GPC5: variants seen among roughly 807,000 people sequenced by gnomAD.
The protein encoded by GPC5 is glypican 5.
GPC5 carries 47 observed loss-of-function variants against 53.9 expected under a neutral mutation model. The ratio of observed to expected loss-of-function variants is 0.87; its 90% CI spans 0.69 to 1.11. The LOEUF (loss-of-function observed/expected upper bound fraction) is 1.11, where lower values mean the gene tolerates loss of function less well. GPC5 is among the 50% of genes most tolerant of loss of function. The probability of loss-of-function intolerance (pLI) is 0.00; values close to 1 mark genes in which losing one functional copy is unlikely to be tolerated. For synonymous variants in GPC5, 286 were observed against 263.3 expected (o/e 1.09, Z -0.84); for missense variants, 748 against 713.1 (o/e 1.05, Z -0.56).
intron 1 of GPC5, among the ~76,000 whole-genome samples, chr13:91,399,902 A>C (rs1480157656): frequency 6.6e-6 from 1 of 152,150 alleles, no homozygotes; most frequent in Non-Finnish European, 1.5e-5. Context: ...CTTGACATGG[A>C]TGAGATGTAC....
intron 7 of GPC5, among the ~76,000 whole-genome samples, chr13:92,527,408 T>A (rs2483515): frequency 6.6e-6 from 1 of 150,900 alleles, no homozygotes. Context: ...AAGAGCAGAG[T>A]ATGGTTAATA....
chr13:92,008,925 T>G (rs912176902), intron 6 of GPC5, among the ~76,000 whole-genome samples: 1 of 152,206 alleles, frequency 6.6e-6, no homozygotes, highest in Admixed American at 6.5e-5. Flanking sequence ...AATTCACCAA[T>G]CTTTCCTTCC....
At chr13:92,666,964 C>G (rs942136580) in intron 7 of GPC5, among the ~76,000 whole-genome samples, 3 of 152,056 alleles carry the variant, frequency 2.0e-5, no homozygotes, top group Non-Finnish European at 4.4e-5. Context: ...CCATTCTTAA[C>G]TGAAAATAGG....
At chr13:91,511,655 T>C (rs2139333379) in intron 2 of GPC5, among the ~76,000 whole-genome samples, 1 of 152,284 alleles carries the variant, frequency 6.6e-6, no homozygotes, top group Non-Finnish European at 1.5e-5. Flanking sequence ...TCAAGACTAT[T>C]GTATGAATTC....
intron 7 of GPC5, among the ~76,000 whole-genome samples, chr13:92,733,819 T>C (rs17233850): frequency 0.22 from 33,011 of 151,708 alleles, 3,660 homozygotes; most frequent in Non-Finnish European, 0.25. Context: ...TAAAATCATA[T>C]GACATTCAGT....
intron 7 of GPC5, among the ~76,000 whole-genome samples, chr13:92,197,528 C>G (rs922456940): frequency 6.6e-6 from 1 of 152,076 alleles, no homozygotes; most frequent in Non-Finnish European, 1.5e-5. Flanking sequence ...GACAGGGTCT[C>G]GCTTTTTCTC....
intron 7 of GPC5, among the ~76,000 whole-genome samples, chr13:92,279,702 A>G (rs2042900411): frequency 6.6e-6 from 1 of 152,014 alleles, no homozygotes; most frequent in African/African-American, 2.4e-5. Flanking sequence ...TTGGTTCTAA[A>G]AATACATTGT....
intron 1 of GPC5, among the ~76,000 whole-genome samples, chr13:91,418,225 G>A (rs765205171): frequency 2.6e-5 from 4 of 152,098 alleles, no homozygotes; most frequent in Admixed American, 6.6e-5. Flanking sequence ...AGGAATAGGA[G>A]GCAGAAGATA....
intron 7 of GPC5, among the ~76,000 whole-genome samples, chr13:92,367,763 C>T (rs2043617449): frequency 6.6e-6 from 1 of 152,090 alleles, no homozygotes; most frequent in South Asian, 2.1e-4. Context: ...ACTTGTAAGG[C>T]AATTTTGTGA....
At chr13:92,594,291 C>G (rs1883801550) in intron 7 of GPC5, among the ~76,000 whole-genome samples, 1 of 152,100 alleles carries the variant, frequency 6.6e-6, no homozygotes, top group Admixed American at 6.5e-5. Flanking sequence ...TGAAGGCAGG[C>G]ACGGGACTGT....
chr13:92,382,429 G>A (rs1021925268), intron 7 of GPC5, among the ~76,000 whole-genome samples: 4 of 152,080 alleles, frequency 2.6e-5, no homozygotes, highest in African/African-American at 9.7e-5. Flanking sequence ...TGGGGATTTA[G>A]GTTGTCTCAC....
chr13:92,748,220 T>C (rs13343226), intron 7 of GPC5, among the ~76,000 whole-genome samples: 7,571 of 151,802 alleles, frequency 0.05, 283 homozygotes, highest in African/African-American at 0.1. Context: ...TACGGTAGTT[T>C]GATATACATC....
At chr13:92,837,847 C>A in intron 7 of GPC5, among the ~76,000 whole-genome samples, 1 of 151,586 alleles carries the variant, frequency 6.6e-6, no homozygotes, top group Non-Finnish European at 1.5e-5. Context: ...AATCCCAGCA[C>A]TTTGGGAGGC....
intron 7 of GPC5, among the ~76,000 whole-genome samples, chr13:92,290,600 C>G (rs1043902843): frequency 1.3e-5 from 2 of 152,194 alleles, no homozygotes; most frequent in Non-Finnish European, 2.9e-5. Context: ...TTTTCCATTC[C>G]TGAGTTACTT....
At chr13:92,783,811 G>T (rs534885446) in intron 7 of GPC5, among the ~76,000 whole-genome samples, 2 of 152,168 alleles carry the variant, frequency 1.3e-5, no homozygotes, top group Middle Eastern at 3.4e-3. Flanking sequence ...CTACAACCCT[G>T]GGCTCTTTAG....
chr13:91,774,698 C>G (rs890019094), intron 5 of GPC5, among the ~76,000 whole-genome samples: 4 of 152,090 alleles, frequency 2.6e-5, no homozygotes, highest in Admixed American at 1.3e-4. Context: ...CTCACACCCC[C>G]TCCCTACACC....
At chr13:91,443,510 A>G (rs1455879029) in intron 1 of GPC5, among the ~76,000 whole-genome samples, 1 of 152,168 alleles carries the variant, frequency 6.6e-6, no homozygotes, top group East Asian at 1.9e-4. Context: ...GCAGACTAAC[A>G]CAGCTTCTGT....
At chr13:92,590,639 A>G (rs1883683073) in intron 7 of GPC5, among the ~76,000 whole-genome samples, 1 of 151,394 alleles carries the variant, frequency 6.6e-6, no homozygotes, top group African/African-American at 2.4e-5. Flanking sequence ...GGAACCGAGG[A>G]CTCCTCCGTC....
chr13:91,655,678 C>T (rs534538525), intron 2 of GPC5, among the ~76,000 whole-genome samples: 8 of 151,972 alleles, frequency 5.3e-5, no homozygotes, highest in Non-Finnish European at 1.0e-4. Flanking sequence ...TACACAATAT[C>T]GATAAGAATA....
Sources: allele counts gnomAD v4.1 joint callset (sites outside exome capture counted in the v4.1 genomes callset), GRCh38; gene constraint gnomAD v4.1.1; transcripts MANE v1.5; gene names NCBI Gene and HGNC (gene_info 2026-07-23, HGNC 2026-07-21).